Variants in POLR3B observed in about 807,000 individuals in gnomAD.
The protein encoded by POLR3B is RNA polymerase III subunit B.
POLR3B carries 96 observed loss-of-function variants against 147.4 expected under a neutral mutation model. The ratio of observed to expected loss-of-function variants is 0.65; its 90% CI spans 0.55 to 0.77. The LOEUF (loss-of-function observed/expected upper bound fraction) is 0.77. POLR3B is among the 30% of genes least tolerant of loss of function. The probability of loss-of-function intolerance (pLI) is 0.00; values close to 1 mark genes in which losing one functional copy is unlikely to be tolerated. For synonymous variants in POLR3B, 461 were observed against 485.9 expected, an observed-to-expected ratio of 0.95 and a Z score of 0.67; for missense variants, 1,036 against 1,413.5, an observed-to-expected ratio of 0.73 and a Z score of 4.28.
chr12:106,505,036 G>A (rs1330962413), intron 27 of POLR3B, among the ~76,000 whole-genome samples: 3 of 152,146 alleles, frequency 2.0e-5, no homozygotes, highest in Non-Finnish European at 2.9e-5. Context: ...CCCTGCATTT[G>A]TAGGATTGCC....
rs376000020 is a variant in POLR3B, at chr12:106,379,592, A to G, written c.615-439A>G. On this transcript the variant is annotated intron_variant, in intron 8 of 27. Coordinates refer to ENST00000228347, the MANE Select transcript of POLR3B (RefSeq NM_018082.6). ...AAGGATATTCCTTTCTTTTGGCTTT[A>G]CTATATACCAAGACTGTGGGTATAT... Among the ~76,000 whole-genome samples, 4 of 152,354 alleles carry G rather than the reference A, an allele frequency of 2.6e-5. No individual in the cohort carries two copies. The East Asian group carries it at 7.7e-4, about 29-fold the overall frequency.
At chr12:106,410,778 T>C in intron 11 of POLR3B, 48 bp from the exon 12 acceptor site, 1 of 1,558,880 alleles carries the variant, frequency 6.4e-7, no homozygotes, top group Non-Finnish European at 8.8e-7. Flanking sequence ...GTACGTTAAA[T>C]TTTAATGTCC....
intron 6 of POLR3B, among the ~76,000 whole-genome samples, chr12:106,372,424 G>T (rs1292629721): frequency 6.9e-6 from 1 of 144,852 alleles, no homozygotes; most frequent in Non-Finnish European, 1.5e-5. Context: ...TGCAACCTCC[G>T]CCCCCCAGGT....
intron 23 of POLR3B, 166 bp from the exon 24 acceptor site, chr12:106,495,889 G>A: frequency 2.9e-6 from 2 of 688,992 alleles, no homozygotes; most frequent in Non-Finnish European, 5.4e-6. Flanking sequence ...TGAACTGTTT[G>A]TCAAGCAGGA....
In POLR3B at chr12:106,405,134, A is replaced by T. The variant is rs111741011; in HGVS notation, c.847-723A>T. The stretch of plus-strand genomic sequence containing the variant: ...CACACTGTTTTGATTACTTAGGTTT[A>T]GAGTTAAAAATCAGGTAATATAATA... On this transcript the variant is annotated intron_variant, in intron 10 of 27. Coordinates refer to ENST00000228347, the MANE Select transcript of POLR3B (RefSeq NM_018082.6). 2.7e-3 allele frequency among the ~76,000 whole-genome samples: 407 copies of T among 152,252 alleles called. 1 individual carries two copies. The highest frequency in any genetic ancestry group is 9.2e-3 in the African/African-American group (384 of 41,548).
At chr12:106,488,514 A>G (rs983187935) in intron 23 of POLR3B, among the ~76,000 whole-genome samples, 3 of 152,198 alleles carry the variant, frequency 2.0e-5, no homozygotes, top group African/African-American at 7.2e-5. Flanking sequence ...AGTGGTCTAG[A>G]CTTCTAGGTA....
chr12:106,396,694 A>T (rs2036984230), intron 10 of POLR3B, among the ~76,000 whole-genome samples: 1 of 152,226 alleles, frequency 6.6e-6, no homozygotes, highest in African/African-American at 2.4e-5. Flanking sequence ...GTTTTGAAGC[A>T]TGAAAAAGGA....
At chr12:106,379,105 C>A (rs993046120) in intron 8 of POLR3B, among the ~76,000 whole-genome samples, 1 of 152,148 alleles carries the variant, frequency 6.6e-6, no homozygotes, top group African/African-American at 2.4e-5. Context: ...AGGAGCCAGG[C>A]AAAATACTAG....
intron 22 of POLR3B, among the ~76,000 whole-genome samples, chr12:106,462,800 G>C (rs1410624063): frequency 6.6e-6 from 1 of 152,094 alleles, no homozygotes; most frequent in Non-Finnish European, 1.5e-5. Context: ...ACTCTGGTCA[G>C]GTCTCAAGTT....
At position 106,504,691 on chromosome 12, in the gene POLR3B, G is replaced by C. The variant is rs1262243627; in HGVS notation, c.3272+437G>C. Among the ~76,000 whole-genome samples, 2 of 152,198 alleles carry C rather than the reference G, an allele frequency of 1.3e-5. No individual in the cohort carries two copies. Among genetic ancestry groups the C allele is most frequent in the Non-Finnish European group, 2.9e-5 (2 of 68,036 alleles). On this transcript the variant is annotated intron_variant, in intron 27 of 27. Coordinates refer to ENST00000228347, the MANE Select transcript of POLR3B (RefSeq NM_018082.6). The surrounding 1 kb of genome is among the most constrained non-coding windows in gnomAD (Gnocchi z 4.6). ...CAGGTCTTATAGCAAATTGGTGACA[G>C]AGCCAAGAGCCAAGACCAAGACGAC... is the stretch of plus-strand genomic sequence containing the variant.
intron 23 of POLR3B, among the ~76,000 whole-genome samples, chr12:106,476,636 C>T (rs1437179961): frequency 6.9e-6 from 1 of 144,530 alleles, no homozygotes. Flanking sequence ...ATTGCTGATA[C>T]CCTTTCTTCC....
chr12:106,439,046 C>T (rs913880756), intron 18 of POLR3B, among the ~76,000 whole-genome samples: 8 of 152,148 alleles, frequency 5.3e-5, no homozygotes, highest in Non-Finnish European at 1.0e-4. Flanking sequence ...TTTAATACTA[C>T]CACCTAATAA....
chr12:106,504,232 G>A lies in POLR3B; in HGVS notation c.3250G>A (p.Gly1084Arg). The A allele has an allele frequency of 6.2e-7, 1 of 1,614,034 alleles. No homozygotes were observed. Among genetic ancestry groups the A allele is most frequent in the Non-Finnish European group, 8.5e-7 (1 of 1,179,944 alleles). ...TGAGGTTGATGTCTGTGGGCAGTGT[G>A]GACTTCTGGGGTATTCTGGCTGGTA... ...AFEVDVCGQC[G>R]LLGYSGWCHY... Residue 1084 changes from glycine to arginine, a missense_variant, in exon 27 of 28, where the codon GGA (glycine) becomes AGA (arginine). Gly to Arg is a moderately radical substitution (Grantham distance 125, BLOSUM62 -2). Coordinates refer to ENST00000228347, the MANE Select transcript of POLR3B (RefSeq NM_018082.6). This position sits in a 1 kb window ranked among gnomAD's most constrained non-coding sequence, Gnocchi z 4.6.
chr12:106,380,411 CAAAAAAAAAA>C (rs147457953), intron 9 of POLR3B, among the ~76,000 whole-genome samples: 6 of 99,002 alleles, frequency 6.1e-5, no homozygotes, highest in South Asian at 6.4e-4. Context: ...CCATCTCTAC[CAAAAAAAAAA>C]AAAAAAAAAA....
chr12:106,372,589 C>T (rs980213540), intron 6 of POLR3B, among the ~76,000 whole-genome samples: 3 of 152,108 alleles, frequency 2.0e-5, no homozygotes, highest in African/African-American at 7.2e-5. Context: ...GATCCACTCG[C>T]CTCGGTCTCC....
intron 23 of POLR3B, among the ~76,000 whole-genome samples, chr12:106,489,353 G>T (rs190707839): frequency 6.6e-6 from 1 of 152,278 alleles, no homozygotes; most frequent in Admixed American, 6.5e-5. Flanking sequence ...GCCTATCTGT[G>T]GTTGATAAGG....
intron 19 of POLR3B, among the ~76,000 whole-genome samples, chr12:106,453,361 C>T (rs1051923888): frequency 6.6e-6 from 1 of 152,040 alleles, no homozygotes; most frequent in Non-Finnish European, 1.5e-5. Flanking sequence ...GATTTAATGA[C>T]ATGAGTATGG....
chr12:106,366,702 T>A lies in POLR3B; in HGVS notation c.207T>A (p.Ala69=), dbSNP rs760770690. The stretch of plus-strand genomic sequence containing the variant: ...CCAATGAAAAGGTTACAAGTGACGC[T>A]GACCCTATGTGGTACTTAAAGTAAG... ...MKANEKVTSD[A]DPMWYLKYLN... Residue 69 remains alanine, a synonymous_variant, in exon 4 of 28, where the codon GCT becomes GCA. Coordinates refer to ENST00000228347, the MANE Select transcript of POLR3B (RefSeq NM_018082.6). 6.2e-7 allele frequency: 1 copy of A among 1,612,958 alleles called. No homozygotes were observed. Among genetic ancestry groups the A allele is most frequent in the African/African-American group, 1.3e-5 (1 of 74,922 alleles).
Position 106,410,864 on chromosome 12 carries a change from T to A in POLR3B, c.1005T>A (p.Thr335=). ...EFNFRAKCIY[T]AVMVRRVILA... The stretch of plus-strand genomic sequence containing the variant: ...ATTTCCGAGCCAAATGTATCTATAC[T>A]GCAGTGATGGTGCGAAGAGTTATTC... The change falls in exon 12 of 28, where the codon ACT becomes ACA. Residue 335 remains threonine, a synonymous_variant. Coordinates refer to ENST00000228347, the MANE Select transcript of POLR3B (RefSeq NM_018082.6). The A allele has an allele frequency of 6.2e-7, 1 of 1,613,918 alleles. No homozygotes were observed. Among genetic ancestry groups the A allele is most frequent in the South Asian group, 1.1e-5 (1 of 91,080 alleles).
Sources: gnomAD v4.1 joint callset for allele counts (sites outside exome capture counted in the v4.1 genomes callset) on GRCh38, gnomAD v4.1.1 for gene constraint, Gnocchi (gnomAD v3.1) non-coding constraint, MANE v1.5 for transcripts, NCBI Gene and HGNC (gene_info 2026-07-23, HGNC 2026-07-21) for gene names.